Variants in ZNF483 observed in about 807,000 individuals in gnomAD.
ZNF483 encodes zinc finger protein HIT-10.
ZNF483 carries 9 observed loss-of-function variants against 28.6 expected under a neutral mutation model. That is an observed-to-expected ratio of 0.32 (90% CI 0.19 to 0.55). The LOEUF is 0.55. Among genes scored for constraint, ZNF483 ranks in the 20% least tolerant of loss-of-function variants. ZNF483 has a pLI of 0.93. For synonymous variants in ZNF483, 322 were observed against 306.2 expected, an observed-to-expected ratio of 1.05 and a Z score of -0.54; for missense variants, 675 against 871.7, an observed-to-expected ratio of 0.77 and a Z score of 2.84.
chr9:111,575,671 G>A (rs1452514100), intron 5 of ZNF483, among the ~76,000 whole-genome samples: 2 of 152,198 alleles, frequency 1.3e-5, no homozygotes, highest in African/African-American at 2.4e-5. Flanking sequence ...TTCAATAAAC[G>A]TGCCGAACAA....
chr9:111,541,589 T>C, intron 5 of ZNF483, 68 bp from the exon 6 acceptor site: 1 of 1,331,084 alleles, frequency 7.5e-7, no homozygotes, highest in East Asian at 2.4e-5. Flanking sequence ...GTGTTCCTAT[T>C]TCAGACCCAA....
rs944590244 is a variant in ZNF483, at chr9:111,551,730, A to T, written c.*8560A>T. ...ATTTTTGTTTAAAATTTGCATCCACATTAACAAAACTTTTATTAGAAAAAT... is the reference window on the plus strand; with the variant it reads ...ATTTTTGTTTAAAATTTGCATCCACTTTAACAAAACTTTTATTAGAAAAAT... On this transcript the variant is annotated 3_prime_UTR_variant, in exon 6 of 6. Transcript: ENST00000309235. Among the ~76,000 whole-genome samples the T allele has an allele frequency of 6.6e-6, 1 of 152,178 alleles. No individual in the cohort carries two copies. The highest frequency in any genetic ancestry group is 1.5e-5 in the Non-Finnish European group (1 of 68,018).
intron 5 of ZNF483, chr9:111,563,002 C>G: frequency 1.4e-6 from 2 of 1,448,584 alleles, no homozygotes; most frequent in Non-Finnish European, 9.1e-7. Flanking sequence ...TTAAGTAGCT[C>G]AAACTCATTA....
intron 3 of ZNF483, among the ~76,000 whole-genome samples, chr9:111,531,839 G>A (rs1564591994): frequency 1.3e-5 from 2 of 152,188 alleles, no homozygotes; most frequent in Admixed American, 6.5e-5. Flanking sequence ...ACGCCACTGT[G>A]CCCAGCTCAT....
chr9:111,564,597 C>A (rs192833467), intron 5 of ZNF483, among the ~76,000 whole-genome samples: 2 of 151,812 alleles, frequency 1.3e-5, no homozygotes, highest in Non-Finnish European at 2.9e-5. Context: ...TGAGCCACTG[C>A]GCCTGGCTGA....
chr9:111,561,144 A>AG (rs1564608073), intron 5 of ZNF483, among the ~76,000 whole-genome samples: 1 of 51,446 alleles, frequency 1.9e-5, no homozygotes. Flanking sequence ...GAGAGGAGAG[A>AG]GAGGGAGAGA....
In ZNF483 at chr9:111,555,059, C is replaced by T. The variant is rs1401321203; in HGVS notation, c.*11889C>T. ...ATATAAGCCTGGCTACCATTACTGG[C>T]GAGCAGGCAGAGGCACGCCACATGG... On this transcript the variant is annotated 3_prime_UTR_variant, in exon 6 of 6. Coordinates refer to ENST00000309235, the MANE Select transcript of ZNF483 (RefSeq NM_133464.5). 6.6e-5 allele frequency among the ~76,000 whole-genome samples: 10 copies of T among 152,124 alleles called. No homozygotes were observed. Among genetic ancestry groups the T allele is most frequent in the African/African-American group, 1.7e-4 (7 of 41,408 alleles).
intron 1 of ZNF483, among the ~76,000 whole-genome samples, chr9:111,526,071 A>AGAAT (rs776061495): frequency 2.0e-5 from 3 of 152,130 alleles, no homozygotes; most frequent in Non-Finnish European, 2.9e-5. Context: ...CGTCACTTAT[A>AGAAT]GAATGAATGA....
Position 111,533,733 on chromosome 9 carries a change from T to C in ZNF483, c.502-6T>C, listed in dbSNP as rs1827406323. On this transcript the variant is annotated splice_region_variant and splice_polypyrimidine_tract_variant and intron_variant, in intron 3 of 5. Transcript: ENST00000309235. ...TCCAATACAAAAGAGCTGTTTGGTG[T>C]TCTAGGAATCTATAACATTGAAGGA... The C allele has an allele frequency of 1.3e-6, 2 of 1,554,246 alleles. No individual in the cohort carries two copies. The highest frequency in any genetic ancestry group is 4.7e-5 in the Admixed American group (2 of 42,974).
At chr9:111,525,626 G>A (rs1180781195) in intron 1 of ZNF483, among the ~76,000 whole-genome samples, 2 of 152,140 alleles carry the variant, frequency 1.3e-5, no homozygotes, top group South Asian at 2.1e-4. Context: ...AATGTGTCCA[G>A]ACATTGCCAG....
In ZNF483 at chr9:111,527,450, A is replaced by T. The variant is rs750976205; in HGVS notation, c.55A>T (p.Thr19Ser). 6.8e-6 allele frequency: 11 copies of T among 1,614,078 alleles called. No individual in the cohort carries two copies. Among genetic ancestry groups the T allele is most frequent in the Non-Finnish European group, 8.5e-6 (10 of 1,180,018 alleles). The change falls in exon 2 of 6, where the codon ACT becomes TCT. Residue 19 changes from threonine to serine, a missense_variant. Thr to Ser is a moderately conservative substitution (Grantham distance 58, BLOSUM62 1). Coordinates refer to ENST00000309235, the MANE Select transcript of ZNF483 (RefSeq NM_133464.5). ...KMTAISPEPQ[T>S]LASTEQNEVP... Reference sequence around the variant, plus strand: ...GACAGCCATCTCACCAGAACCTCAAACTCTGGCCTCGACTGAACAAAATGA... The same window carrying T: ...GACAGCCATCTCACCAGAACCTCAATCTCTGGCCTCGACTGAACAAAATGA...
chr9:111,545,900 C>T lies in ZNF483; in HGVS notation c.*2730C>T, dbSNP rs896742583. Among the ~76,000 whole-genome samples the T allele has an allele frequency of 2.0e-5, 3 of 152,136 alleles. No homozygotes were observed. Among genetic ancestry groups the T allele is most frequent in the Admixed American group, 6.6e-5 (1 of 15,258 alleles). ...ACAAGTCTTTGTGTGGACATGTTTT[C>T]ATTTTTCTTAGGCAGATGCCTGAGG... On this transcript the variant is annotated 3_prime_UTR_variant, in exon 6 of 6. Coordinates refer to ENST00000309235, the MANE Select transcript of ZNF483 (RefSeq NM_133464.5).
chr9:111,541,614 C>T (rs1266722868), intron 5 of ZNF483, 43 bp from the exon 6 acceptor site: 4 of 1,503,832 alleles, frequency 2.7e-6, no homozygotes, highest in Middle Eastern at 3.7e-4. Flanking sequence ...CAACAGCTTC[C>T]TTTCTTGCAA....
chr9:111,566,397 A>G (rs919084503), intron 5 of ZNF483, among the ~76,000 whole-genome samples: 1 of 152,176 alleles, frequency 6.6e-6, no homozygotes, highest in South Asian at 2.1e-4. Flanking sequence ...CCGGCACTGC[A>G]AGTGCTATAC....
At position 111,527,636 on chromosome 9, in the gene ZNF483, C is replaced by T; in HGVS notation, c.241C>T (p.Leu81=). 1.2e-6 allele frequency: 2 copies of T among 1,614,162 alleles called. No individual in the cohort carries two copies. The highest frequency in any genetic ancestry group is 1.7e-6 in the Non-Finnish European group (2 of 1,180,032). The part of the protein sequence containing the change: ...SQLWELCNQW[L]RPDIHTKEQI... Reference sequence around the variant, plus strand: ...ACTCTGGGAGCTCTGCAATCAGTGGCTGAGACCAGACATTCACACGAAAGA... The same window carrying T: ...ACTCTGGGAGCTCTGCAATCAGTGGTTGAGACCAGACATTCACACGAAAGA... The change falls in exon 2 of 6, where the codon CTG becomes TTG. Residue 81 remains leucine, a synonymous_variant. Coordinates refer to ENST00000309235, the MANE Select transcript of ZNF483 (RefSeq NM_133464.5).
At chr9:111,558,078 C>T (rs1022040120), downstream of ZNF483, among the ~76,000 whole-genome samples, 4 of 152,140 alleles carry the variant, frequency 2.6e-5, no homozygotes, top group African/African-American at 9.6e-5. Flanking sequence ...ACCCGGGAGG[C>T]GGAGTTTGCA....
At position 111,546,735 on chromosome 9, in the gene ZNF483, G is replaced by A. The variant is rs1007222694; in HGVS notation, c.*3565G>A. Among the ~76,000 whole-genome samples, 1 of 152,106 alleles carries A rather than the reference G, an allele frequency of 6.6e-6. No individual in the cohort carries two copies. Among genetic ancestry groups the A allele is most frequent in the Non-Finnish European group, 1.5e-5 (1 of 68,008 alleles). On this transcript the variant is annotated 3_prime_UTR_variant, in exon 6 of 6. Coordinates refer to ENST00000309235, the MANE Select transcript of ZNF483 (RefSeq NM_133464.5). ...CACTTTTTGGTTATACAGCTCAATAGCATTTAGATAGATGCACATTTTGTG... is the reference window on the plus strand; with the variant it reads ...CACTTTTTGGTTATACAGCTCAATAACATTTAGATAGATGCACATTTTGTG...
chr9:111,560,966 TATATATATAG>T lies in ZNF483; in HGVS notation c.722-15397_722-15388del, dbSNP rs1564607741. 1.1e-4 allele frequency among the ~76,000 whole-genome samples: 5 copies of T among 45,382 alleles called. 1 individual carries two copies. Among genetic ancestry groups the T allele is most frequent in the African/African-American group, 1.9e-4 (2 of 10,530 alleles). 29.8% of individuals were successfully genotyped at this position (45,382 alleles called of 152,430 possible). A position where few individuals can be genotyped will look rare whatever the true frequency, so the allele number is the denominator to read the frequency against. ...TAAAATATATATATATATATATATA[TATATATATAG>T]AGAGAGAGAGAGAGAGAGAGAGAGA... is the stretch of plus-strand genomic sequence containing the variant. On this transcript the variant is annotated intron_variant, in intron 5 of 5. Coordinates refer to the ZNF483 transcript ENST00000358151.
downstream of ZNF483, among the ~76,000 whole-genome samples, chr9:111,560,180 A>T (rs1362209123): frequency 6.6e-6 from 1 of 151,722 alleles, no homozygotes; most frequent in Non-Finnish European, 1.5e-5. Flanking sequence ...ACCCATCACT[A>T]CTAAAAATAC....
Sources: gnomAD v4.1 joint callset for allele counts (sites outside exome capture counted in the v4.1 genomes callset) on GRCh38, gnomAD v4.1.1 for gene constraint, MANE v1.5 for transcripts, NCBI Gene and HGNC (gene_info 2026-07-23, HGNC 2026-07-21) for gene names.